Variants in ETFA observed in about 807,000 individuals in gnomAD.
ETFA encodes electron transfer flavoprotein subunit alpha, mitochondrial.
A neutral mutation model predicts 46.2 loss-of-function variants in ETFA; 22 were observed. The ratio of observed to expected loss-of-function variants is 0.48; its 90% CI spans 0.34 to 0.68. The LOEUF (loss-of-function observed/expected upper bound fraction) is 0.68. Ranked by LOEUF, ETFA falls within the 30% of genes least tolerant of loss-of-function variation. The pLI is 0.01. For missense variants in ETFA, 345 were observed against 401.1 expected (o/e 0.86, Z 1.19); for synonymous variants, 131 against 139.9 (o/e 0.94, Z 0.45).
intron 9 of ETFA, among the ~76,000 whole-genome samples, chr15:76,266,757 C>T (rs917142932): frequency 3.2e-4 from 48 of 152,064 alleles, no homozygotes; most frequent in Non-Finnish European, 4.3e-4. Context: ...CAAAAAAATT[C>T]GTTGGGTGTG....
intron 10 of ETFA, 39 bp downstream of exon 10, chr15:76,231,293 GT>G: frequency 1.5e-6 from 2 of 1,311,256 alleles, no homozygotes; most frequent in Non-Finnish European, 2.2e-6. Context: ...ATCCTAAAAT[GT>G]GGAAACGTTT....
chr15:76,230,414 G>C (rs2039055192), intron 10 of ETFA: 1 of 42,732 alleles, frequency 2.3e-5, no homozygotes. Context: ...TTTTAGTAGA[G>C]ACGGGGTTTC....
intron 9 of ETFA, among the ~76,000 whole-genome samples, chr15:76,241,842 A>G (rs114463047): frequency 3.3e-5 from 2 of 60,852 alleles, no homozygotes; most frequent in African/African-American, 8.8e-5. Context: ...TTGACTATCA[A>G]ATTTTTTTTT....
chr15:76,259,684 G>A, intron 9 of ETFA: 1 of 1,100,278 alleles, frequency 9.1e-7, no homozygotes, highest in Non-Finnish European at 1.4e-6. Flanking sequence ...AGATCTTCCA[G>A]GAGAGTCCAA....
intron 9 of ETFA, among the ~76,000 whole-genome samples, chr15:76,233,549 C>T (rs1029759417): frequency 2.0e-5 from 3 of 151,904 alleles, no homozygotes; most frequent in Non-Finnish European, 2.9e-5. Context: ...AGGCTGGTCT[C>T]GAACTCCTGA....
intron 11 of ETFA, among the ~76,000 whole-genome samples, chr15:76,225,376 C>A (rs1285858084): frequency 6.6e-6 from 1 of 152,162 alleles, no homozygotes; most frequent in African/African-American, 2.4e-5. Context: ...GCAAGCTCCG[C>A]CTCCTGGGTT....
intron 11 of ETFA, among the ~76,000 whole-genome samples, chr15:76,218,080 C>T (rs1018349150): frequency 2.6e-5 from 4 of 152,188 alleles, no homozygotes; most frequent in African/African-American, 9.7e-5. Context: ...GAGTTTCACA[C>T]GGGACCTGTA....
chr15:76,307,989 T>G (rs945753542), intron 1 of ETFA, among the ~76,000 whole-genome samples: 28 of 152,172 alleles, frequency 1.8e-4, no homozygotes, highest in African/African-American at 6.8e-4. Flanking sequence ...TATTTTGACT[T>G]TGTGATATCA....
chr15:76,260,724 T>C (rs901344709), intron 9 of ETFA: 11 of 1,605,940 alleles, frequency 6.8e-6, no homozygotes, highest in Non-Finnish European at 9.4e-6. Context: ...GGCATGGAGG[T>C]TTTGGGGAGC....
chr15:76,297,002 T>C (rs761639926), intron 1 of ETFA, among the ~76,000 whole-genome samples: 34 of 152,228 alleles, frequency 2.2e-4, no homozygotes, highest in Non-Finnish European at 7.3e-5. Context: ...TTGGAACTAT[T>C]CTTATGGAAA....
At chr15:76,257,208 C>T (rs576038901) in intron 9 of ETFA, among the ~76,000 whole-genome samples, 1 of 152,166 alleles carries the variant, frequency 6.6e-6, no homozygotes, top group Non-Finnish European at 1.5e-5. Flanking sequence ...TCCAGGGACT[C>T]CCCCTCATCA....
intron 9 of ETFA, among the ~76,000 whole-genome samples, chr15:76,244,661 T>C (rs975859142): frequency 1.5e-5 from 2 of 135,234 alleles, no homozygotes; most frequent in Admixed American, 7.5e-5. Context: ...TTGGTTTTTA[T>C]AGGAAAAAAA....
chr15:76,254,782 A>G (rs2039333385), intron 9 of ETFA, among the ~76,000 whole-genome samples: 2 of 152,196 alleles, frequency 1.3e-5, no homozygotes, highest in Non-Finnish European at 1.5e-5. Flanking sequence ...GATTTTAGGT[A>G]TAAATTTGTG....
At chr15:76,273,021 A>G (rs908980708) in intron 9 of ETFA, among the ~76,000 whole-genome samples, 6 of 152,040 alleles carry the variant, frequency 3.9e-5, no homozygotes, top group African/African-American at 4.8e-5. Context: ...TCTGACTTCA[A>G]GTAAGTTGAG....
At chr15:76,285,863 A>C in intron 6 of ETFA, 125 bp from the exon 7 acceptor site, 1 of 700,336 alleles carries the variant, frequency 1.4e-6, no homozygotes, top group Non-Finnish European at 2.6e-6. Flanking sequence ...GTGAATTTTC[A>C]GTGCTCCTAA....
At chr15:76,243,615 G>A (rs1466216550) in intron 9 of ETFA, among the ~76,000 whole-genome samples, 1 of 151,788 alleles carries the variant, frequency 6.6e-6, no homozygotes, top group African/African-American at 2.4e-5. Flanking sequence ...CCTGGCCAAC[G>A]TGGCGAAACC....
chr15:76,253,629 C>A (rs896783610), intron 9 of ETFA, among the ~76,000 whole-genome samples: 1 of 152,090 alleles, frequency 6.6e-6, no homozygotes, highest in South Asian at 2.1e-4. Context: ...GAAAATACTG[C>A]GTTCAGCTTT....
rs543595645 is a variant in ETFA at position 76,215,995 on chromosome 15, G to C, written c.*564C>G. Reference sequence around the variant, plus strand: ...TGGAGCTGGGTCAGGTTTAAGTCAGGTCTGCTTTTGTCACATTAGCTATGG... The same window carrying C: ...TGGAGCTGGGTCAGGTTTAAGTCAGCTCTGCTTTTGTCACATTAGCTATGG... On this transcript the variant is annotated 3_prime_UTR_variant, in exon 12 of 12. Coordinates refer to ENST00000557943, the MANE Select transcript of ETFA (RefSeq NM_000126.4). The C allele has an allele frequency of 6.6e-6, 1 of 152,396 alleles. No individual in the cohort carries two copies. The highest frequency in any genetic ancestry group is 1.5e-5 in the Non-Finnish European group (1 of 68,232). The allele number at this position is 152,396 out of a possible 1,614,324, so 9.4% of individuals were successfully genotyped here.
At chr15:76,245,647 C>CA (rs2039236173) in intron 9 of ETFA, among the ~76,000 whole-genome samples, 1 of 152,228 alleles carries the variant, frequency 6.6e-6, no homozygotes, top group Non-Finnish European at 1.5e-5. Context: ...TATGAATGGA[C>CA]AGTTGGTCTG....
Sources: gnomAD v4.1 joint callset for allele counts (sites outside exome capture counted in the v4.1 genomes callset) on GRCh38, gnomAD v4.1.1 for gene constraint, MANE v1.5 for transcripts, NCBI Gene and HGNC (gene_info 2026-07-23, HGNC 2026-07-21) for gene names.